ADAMTS4: variants seen among roughly 807,000 people sequenced by gnomAD.
ADAMTS4 encodes the protein ADAM metallopeptidase with thrombospondin type 1 motif 4.
In ADAMTS4, 38 loss-of-function variants were observed where a neutral mutation model predicts 66.7. That is an observed-to-expected ratio of 0.57 (90% CI 0.44 to 0.75). The LOEUF (loss-of-function observed/expected upper bound fraction) is 0.75, where lower values mean the gene tolerates loss of function less well. Among genes scored for constraint, ADAMTS4 ranks in the 30% least tolerant of loss-of-function variants. The pLI, the probability that ADAMTS4 is intolerant of heterozygous loss-of-function variation, is 0.00. For synonymous variants in ADAMTS4, 418 were observed against 461.5 expected (o/e 0.91, Z 1.21); for missense variants, 1,014 against 1,116.7 (o/e 0.91, Z 1.31).
chr1:161,190,965 G>A lies in ADAMTS4; in HGVS notation c.*173C>T, dbSNP rs1005259594. ...CACTAACCCATCACTGCCTCCCAGG[G>A]CAGGAAACCAGGGCAGGGCCAGCCT... On this transcript the variant is annotated 3_prime_UTR_variant, in exon 9 of 9. Coordinates refer to ENST00000367996, the MANE Select transcript of ADAMTS4 (RefSeq NM_005099.6). The A allele has an allele frequency of 4.3e-6, 3 of 698,554 alleles. No homozygotes were observed. The highest frequency in any genetic ancestry group is 6.7e-6 in the Non-Finnish European group (3 of 446,936). 43.3% of individuals were successfully genotyped at this position (698,554 alleles called of 1,614,324 possible). A position where few individuals can be genotyped will look rare whatever the true frequency, so the allele number is the denominator to read the frequency against.
chr1:161,195,532 C>T lies in ADAMTS4; in HGVS notation c.1194G>A (p.Val398=). The T allele has an allele frequency of 6.2e-7, 1 of 1,614,012 alleles. No homozygotes were observed. Among genetic ancestry groups the T allele is most frequent in the African/African-American group, 1.3e-5 (1 of 75,044 alleles). Residue 398 remains valine (V), a synonymous_variant, in exon 4 of 9, where the codon GTG becomes GTA. Coordinates refer to ENST00000367996, the MANE Select transcript of ADAMTS4 (RefSeq NM_005099.6). ...RHVMAPVMAH[V]DPEEPWSPCS... is the part of the protein sequence containing the mutation. Reference sequence around the variant, plus strand: ...AGGGGGACCAGGGCTCCTCAGGATCCACATGAGCCATCACAGGGGCCATGA... The same window carrying T: ...AGGGGGACCAGGGCTCCTCAGGATCTACATGAGCCATCACAGGGGCCATGA...
intron 8 of ADAMTS4, 83 bp downstream of exon 8, chr1:161,191,982 T>G: frequency 6.8e-7 from 1 of 1,463,624 alleles, no homozygotes. Flanking sequence ...TCTTTGAGAG[T>G]GGAAACAGTG....
Position 161,195,548 on chromosome 1 carries a change from G to A in ADAMTS4, c.1178C>T (p.Pro393Leu). 6.2e-7 allele frequency: 1 copy of A among 1,614,018 alleles called. No homozygotes were observed. Among genetic ancestry groups the A allele is most frequent in the Admixed American group, 1.7e-5 (1 of 60,004 alleles). The change falls in exon 4 of 9, where the codon CCT becomes CTT. Residue 393 changes from proline (P) to leucine (L), a missense_variant. Transcript: ENST00000367996. Reference sequence around the variant, plus strand: ...CTCAGGATCCACATGAGCCATCACAGGGGCCATGACATGGCGAGAGGTGCT... The same window carrying A: ...CTCAGGATCCACATGAGCCATCACAAGGGCCATGACATGGCGAGAGGTGCT... ...PLSTSRHVMA[P>L]VMAHVDPEEP...
chr1:161,195,871 C>T (rs1664809330), intron 3 of ADAMTS4: 2 of 558,438 alleles, frequency 3.6e-6, no homozygotes, highest in Non-Finnish European at 6.1e-6. Context: ...TTCCTTATAG[C>T]CAACATTCCC....
In ADAMTS4 at chr1:161,193,970, G is replaced by A. The variant is rs748963697; in HGVS notation, c.1513C>T (p.Arg505Cys). The change falls in exon 5 of 9, where the codon CGC becomes TGC. Residue 505 changes from arginine to cysteine, a missense_variant. By Grantham distance (180) the Arg-to-Cys change is radical (BLOSUM62 -3). Coordinates refer to ENST00000367996, the MANE Select transcript of ADAMTS4 (RefSeq NM_005099.6). The surrounding 1 kb of genome is among the most constrained non-coding windows in gnomAD (Gnocchi z 4.4). Reference sequence around the variant, plus strand: ...TGGAGCTGGTCCATGTGGAGGCAGCGACCACCCATGCAGGCCTGTGCGGGC... The same window carrying A: ...TGGAGCTGGTCCATGTGGAGGCAGCAACCACCCATGCAGGCCTGTGCGGGC... The part of the protein sequence containing the change: ...CGPAQACMGG[R>C]CLHMDQLQDF... 5.0e-6 allele frequency: 8 copies of A among 1,596,270 alleles called. No homozygotes were observed. Among genetic ancestry groups the A allele is most frequent in the South Asian group, 1.1e-5 (1 of 89,932 alleles).
intron 4 of ADAMTS4, among the ~76,000 whole-genome samples, chr1:161,195,021 TAAAACAAAAC>T (rs549839279): frequency 3.9e-5 from 6 of 152,226 alleles, no homozygotes; most frequent in South Asian, 2.1e-4. Context: ...CATCTGTATT[TAAAACAAAAC>T]AAAACAAAAC....
chr1:161,194,022 C>T lies in ADAMTS4; in HGVS notation c.1461G>A (p.Ser487=), dbSNP rs200980834. 40 of 1,613,906 alleles carry T rather than the reference C, an allele frequency of 2.5e-5. No homozygotes were observed. Among genetic ancestry groups the T allele is most frequent in the Admixed American group, 8.3e-5 (5 of 60,008 alleles). Reference sequence around the variant, plus strand: ...CGCAGGGTGTGCCATCGGCCCAGGGCGAGTGTTTGGTCTGGCACATGGCAT... The same window carrying T: ...CGCAGGGTGTGCCATCGGCCCAGGGTGAGTGTTTGGTCTGGCACATGGCAT... The part of the protein sequence containing the change: ...NGHAMCQTKH[S]PWADGTPCGP... Residue 487 remains serine (S), a synonymous_variant, in exon 5 of 9, where the codon TCG becomes TCA. Coordinates refer to ENST00000367996, the MANE Select transcript of ADAMTS4 (RefSeq NM_005099.6). This position sits in a 1 kb window ranked among gnomAD's most constrained non-coding sequence, Gnocchi z 4.1.
Position 161,198,828 on chromosome 1 carries a change from T to C in ADAMTS4, c.-201A>G. On this transcript the variant is annotated 5_prime_UTR_variant, in exon 1 of 9. Coordinates refer to ENST00000367996, the MANE Select transcript of ADAMTS4 (RefSeq NM_005099.6). The surrounding 1 kb of genome is among the most constrained non-coding windows in gnomAD (Gnocchi z 4.7). The stretch of plus-strand genomic sequence containing the variant: ...TGGGCTTGGGAGAGGTGCCCAGGGG[T>C]CTGGCTTCTCCAAACTCTCCTCCTG... The C allele has an allele frequency of 1.9e-6, 1 of 517,238 alleles. No homozygotes were observed. Among genetic ancestry groups the C allele is most frequent in the Non-Finnish European group, 3.4e-6 (1 of 298,088 alleles). 32.0% of individuals were successfully genotyped at this position (517,238 alleles called of 1,614,324 possible).
Position 161,193,732 on chromosome 1 carries a change from G to C in ADAMTS4, c.1643C>G (p.Thr548Arg), listed in dbSNP as rs756196686. ...GGVQFSSRDC[T>R]RPVPRNGGKY... is the part of the protein sequence containing the mutation. ...GCCACCATTCCGGGGGACAGGCCTC[G>C]TGCAGTCTCGGGAGGAGAACTGGAC... Residue 548 changes from threonine to arginine, a missense_variant, in exon 6 of 9, where the codon ACG becomes AGG. By Grantham distance (71) the Thr-to-Arg change is moderately conservative (BLOSUM62 -1). Transcript: ENST00000367996. The surrounding 1 kb of genome is among the most constrained non-coding windows in gnomAD (Gnocchi z 4.4). 3 of 1,614,068 alleles carry C rather than the reference G, an allele frequency of 1.9e-6. No homozygotes were observed. The highest frequency in any genetic ancestry group is 2.5e-6 in the Non-Finnish European group (3 of 1,179,994).
chr1:161,196,346 C>A, intron 2 of ADAMTS4, 43 bp from the exon 3 acceptor site: 1 of 1,566,118 alleles, frequency 6.4e-7, no homozygotes. Flanking sequence ...AGCCAAGACA[C>A]CTGGGTCCAT....
intron 2 of ADAMTS4, 50 bp from the exon 3 acceptor site, chr1:161,196,353 C>T: frequency 6.4e-7 from 1 of 1,559,666 alleles, no homozygotes; most frequent in Non-Finnish European, 8.7e-7. Flanking sequence ...ACACCTGGGT[C>T]CATTGGGTTG....
chr1:161,190,885 C>G lies in ADAMTS4; in HGVS notation c.*253G>C. The G allele has an allele frequency of 4.7e-6, 2 of 425,900 alleles. No homozygotes were observed. The highest frequency in any genetic ancestry group is 8.4e-6 in the Non-Finnish European group (2 of 238,216). The allele number at this position is 425,900 out of a possible 1,614,324, so 26.4% of individuals were successfully genotyped here. ...CTGCCTTCCCCCTCCCTCCTGTGAC[C>G]CGCAGGGCAGAGGGGGCAGTTTAGA... is the stretch of plus-strand genomic sequence containing the variant. On this transcript the variant is annotated 3_prime_UTR_variant, in exon 9 of 9. Coordinates refer to ENST00000367996, the MANE Select transcript of ADAMTS4 (RefSeq NM_005099.6).
In ADAMTS4 at chr1:161,196,758, G is replaced by T; in HGVS notation, c.756C>A (p.Ala252=). ...GATTGCGGATGCTTGGGTGCTTGAA[G>T]GCCTTGGCTGCTGCTGCCATCACTG... The part of the protein sequence containing the change: ...LLTVMAAAAK[A]FKHPSIRNPV... Residue 252 remains alanine, a synonymous_variant, in exon 2 of 9, where the codon GCC becomes GCA. Transcript: ENST00000367996. 6.2e-7 allele frequency: 1 copy of T among 1,613,374 alleles called. No homozygotes were observed.
In ADAMTS4 at chr1:161,191,629, C is replaced by T. The variant is rs1367965328; in HGVS notation, c.2088-65G>A. The T allele has an allele frequency of 2.7e-5, 40 of 1,480,374 alleles. No individual in the cohort carries two copies. The South Asian group carries it at 4.9e-4, about 18-fold the overall frequency. The allele number at this position is 1,480,374 out of a possible 1,614,324, so 91.7% of individuals were successfully genotyped here. A position where few individuals can be genotyped will look rare whatever the true frequency, so the allele number is the denominator to read the frequency against. On this transcript the variant is annotated intron_variant, in intron 8 of 8. Transcript: ENST00000367996. Reference sequence around the variant, plus strand: ...AATCCCCTCAGCCTTCTGAGCTGTGCTTATGTGACTGTATGTGTGTACATG... The same window carrying T: ...AATCCCCTCAGCCTTCTGAGCTGTGTTTATGTGACTGTATGTGTGTACATG...
In ADAMTS4 at chr1:161,186,470, A is replaced by G. The variant is rs150221057; in HGVS notation, c.*4668T>C. 1.3e-3 allele frequency: 200 copies of G among 152,350 alleles called. No individual in the cohort carries two copies. The highest frequency in any genetic ancestry group is 2.0e-3 in the Non-Finnish European group (136 of 68,040). 9.4% of individuals were successfully genotyped at this position (152,350 alleles called of 1,614,324 possible). ...TACCCAATCACAGAGGTGGCCCCTAAGCTCAGTCTCATTTTCAGAAAAACT... is the reference window on the plus strand; with the variant it reads ...TACCCAATCACAGAGGTGGCCCCTAGGCTCAGTCTCATTTTCAGAAAAACT... On this transcript the variant is annotated 3_prime_UTR_variant, in exon 9 of 9. Transcript: ENST00000367996.
chr1:161,188,736 C>T lies in ADAMTS4; in HGVS notation c.*2402G>A, dbSNP rs1036044453. 3.4e-5 allele frequency: 5 copies of T among 148,820 alleles called. No individual in the cohort carries two copies. The highest frequency in any genetic ancestry group is 6.7e-5 in the Admixed American group (1 of 14,918). 9.2% of individuals were successfully genotyped at this position (148,820 alleles called of 1,614,324 possible). A position where few individuals can be genotyped will look rare whatever the true frequency, so the allele number is the denominator to read the frequency against. The stretch of plus-strand genomic sequence containing the variant: ...CCTGTTTTTGTTTTTGTTTTTGTAT[C>T]GAGACGAGTCTCACTCTGTCTCCCA... On this transcript the variant is annotated 3_prime_UTR_variant, in exon 9 of 9. Coordinates refer to ENST00000367996, the MANE Select transcript of ADAMTS4 (RefSeq NM_005099.6).
chr1:161,192,083 C>T lies in ADAMTS4; in HGVS notation c.2069G>A (p.Gly690Asp), dbSNP rs1248691991. 6.2e-7 allele frequency: 1 copy of T among 1,613,852 alleles called. No homozygotes were observed. The highest frequency in any genetic ancestry group is 8.5e-7 in the Non-Finnish European group (1 of 1,179,990). The change falls in exon 8 of 9, where the codon GGC becomes GAC. Residue 690 changes from glycine to aspartate, a missense_variant. By Grantham distance (94) the Gly-to-Asp change is moderately conservative. Transcript: ENST00000367996. ...GDGSGCSKQS[G>D]SFRKFRYGYN... Reference sequence around the variant, plus strand: ...AAAGAACCTGAATTTCCTGAAGGAGCCTGACTGCTTGCTGCAACCAGAACC... The same window carrying T: ...AAAGAACCTGAATTTCCTGAAGGAGTCTGACTGCTTGCTGCAACCAGAACC...
Position 161,196,321 on chromosome 1 carries a change from A to G in ADAMTS4, c.958-18T>C. The stretch of plus-strand genomic sequence containing the variant: ...CACAGGTCCTGTGGAGAGGGATCAT[A>G]GAAGGTGCATAGACAGCCAAGACAC... On this transcript the variant is annotated intron_variant, in intron 2 of 8. Transcript: ENST00000367996. 1.9e-6 allele frequency: 3 copies of G among 1,596,440 alleles called. No individual in the cohort carries two copies. The highest frequency in any genetic ancestry group is 2.6e-6 in the Non-Finnish European group (3 of 1,171,066).
At chr1:161,195,756 C>T in intron 3 of ADAMTS4, 121 bp from the exon 4 acceptor site, 1 of 955,112 alleles carries the variant, frequency 1.0e-6, no homozygotes, top group Non-Finnish European at 1.5e-6. Flanking sequence ...ACCCTGCCCC[C>T]AGTCCTTTCC....
Sources: gnomAD v4.1 joint callset for allele counts (sites outside exome capture counted in the v4.1 genomes callset) on GRCh38, gnomAD v4.1.1 for gene constraint, Gnocchi (gnomAD v3.1) non-coding constraint, MANE v1.5 for transcripts, NCBI Gene and HGNC (gene_info 2026-07-23, HGNC 2026-07-21) for gene names.